Variants in CHL1 observed in about 807,000 individuals in gnomAD.
The protein encoded by CHL1 is neural cell adhesion molecule L1-like protein.
A neutral mutation model predicts 141.9 loss-of-function variants in CHL1; 96 were observed. The observed-to-expected ratio is 0.68, with a 90% confidence interval of 0.57 to 0.80. The LOEUF (loss-of-function observed/expected upper bound fraction) is 0.80, where lower values mean the gene tolerates loss of function less well. CHL1 is among the 30% of genes least tolerant of loss of function. CHL1 has a pLI of 0.00. For synonymous variants in CHL1, 613 were observed against 502.2 expected (o/e 1.22, Z -2.95); for missense variants, 1,820 against 1,457.2 (o/e 1.25, Z -4.05).
Position 405,641 on chromosome 3 carries a change from C to G in CHL1, c.3605C>G (p.Ala1202Gly), listed in dbSNP as rs1709486043. The G allele has an allele frequency of 1.9e-6, 3 of 1,613,530 alleles. No individual in the cohort carries two copies. The highest frequency in any genetic ancestry group is 2.5e-6 in the Non-Finnish European group (3 of 1,179,596). ...GATGGATCATTTATTGGTGCCTACGCTGGATCTAAGGAGAAGGGATCTGTT... is the reference window on the plus strand; with the variant it reads ...GATGGATCATTTATTGGTGCCTACGGTGGATCTAAGGAGAAGGGATCTGTT... ...SEDGSFIGAY[A>G]GSKEKGSVES... The change falls in exon 28 of 28, where the codon GCT becomes GGT. Residue 1202 changes from alanine (A) to glycine (G), a missense_variant. Physicochemically the swap from Ala to Gly is moderately conservative, Grantham distance 60. Coordinates refer to ENST00000256509, the MANE Select transcript of CHL1 (RefSeq NM_006614.4).
At chr3:273,311 G>A (rs116091471) in intron 2 of CHL1, among the ~76,000 whole-genome samples, 113 of 152,310 alleles carry the variant, frequency 7.4e-4, no homozygotes, top group Middle Eastern at 3.4e-3. Context: ...CCCTTGGGAA[G>A]TGGTTAGTTT....
chr3:269,943 T>TGGAGGAAGGTG (rs1010611982), intron 2 of CHL1, among the ~76,000 whole-genome samples: 1 of 152,004 alleles, frequency 6.6e-6, no homozygotes, highest in African/African-American at 2.4e-5. Flanking sequence ...TCCAGGAAGC[T>TGGAGGAAGGTG]GGAGGAAGGT....
intron 2 of CHL1, among the ~76,000 whole-genome samples, chr3:276,343 G>A (rs975279272): frequency 1.3e-5 from 2 of 152,172 alleles, no homozygotes; most frequent in Admixed American, 1.3e-4. Context: ...AACATTAAGA[G>A]TGTTATAACC....
At chr3:239,142 G>A (rs75714787) in intron 1 of CHL1, among the ~76,000 whole-genome samples, 10,627 of 152,040 alleles carry the variant, frequency 0.07, 416 homozygotes, top group Middle Eastern at 0.1. Context: ...TGTCCCTCCC[G>A]GCTTCACTGG....
intron 24 of CHL1, among the ~76,000 whole-genome samples, 153 bp downstream of exon 24, chr3:395,025 A>G (rs1455310448): frequency 6.6e-6 from 1 of 152,238 alleles, no homozygotes; most frequent in Non-Finnish European, 1.5e-5. Context: ...TTCCACTGAC[A>G]TAGAGGCAGA....
intron 2 of CHL1, among the ~76,000 whole-genome samples, chr3:261,622 C>A (rs1333412133): frequency 6.6e-6 from 1 of 152,044 alleles, no homozygotes; most frequent in African/African-American, 2.4e-5. Context: ...AACATTCCAG[C>A]TTTAAAAACT....
chr3:271,210 G>A (rs1356150651), intron 2 of CHL1, among the ~76,000 whole-genome samples: 5 of 152,192 alleles, frequency 3.3e-5, no homozygotes, highest in Non-Finnish European at 7.3e-5. Flanking sequence ...ACTCGGGCAA[G>A]TCATTTTAAC....
intron 1 of CHL1, among the ~76,000 whole-genome samples, chr3:217,257 A>C (rs1418340530): frequency 6.6e-6 from 1 of 152,102 alleles, no homozygotes; most frequent in Non-Finnish European, 1.5e-5. Flanking sequence ...TCTCCAAGCA[A>C]AGGGTATATG....
At chr3:274,575 ACT>A (rs1357124415) in intron 2 of CHL1, among the ~76,000 whole-genome samples, 3 of 152,214 alleles carry the variant, frequency 2.0e-5, no homozygotes, top group Non-Finnish European at 4.4e-5. Context: ...TGGCACAGTT[ACT>A]GTTTGGTTTA....
intron 13 of CHL1, 37 bp from the exon 14 acceptor site, chr3:363,180 C>T: frequency 6.3e-7 from 1 of 1,576,764 alleles, no homozygotes; most frequent in Non-Finnish European, 8.6e-7. Flanking sequence ...ACAATTTTGC[C>T]CTACCTCAGA....
At chr3:294,499 G>A (rs990282864) in intron 2 of CHL1, among the ~76,000 whole-genome samples, 2 of 152,130 alleles carry the variant, frequency 1.3e-5, no homozygotes, top group Admixed American at 1.3e-4. Context: ...TCTTAAAACG[G>A]TAACCACAAA....
At chr3:391,213 T>A in intron 22 of CHL1, 54 bp downstream of exon 22, 1 of 1,372,790 alleles carries the variant, frequency 7.3e-7, no homozygotes, top group Non-Finnish European at 1.0e-6. Flanking sequence ...TCCATGGCCA[T>A]ATTAAACATT....
intron 15 of CHL1, 119 bp downstream of exon 15, chr3:366,234 A>G (rs1417440807): frequency 1.1e-6 from 1 of 919,152 alleles, no homozygotes; most frequent in Non-Finnish European, 1.7e-6. Context: ...ACTTTGGGAG[A>G]CCGAGGCGAG....
chr3:225,396 T>C (rs1013448989), intron 1 of CHL1, among the ~76,000 whole-genome samples: 1 of 152,204 alleles, frequency 6.6e-6, no homozygotes, highest in Non-Finnish European at 1.5e-5. Flanking sequence ...TAGAGTTATA[T>C]AGCATATTTA....
intron 15 of CHL1, among the ~76,000 whole-genome samples, chr3:375,793 C>A (rs1575211988): frequency 1.3e-5 from 2 of 152,090 alleles, no homozygotes; most frequent in Non-Finnish European, 2.9e-5. Context: ...ATGAATTAGG[C>A]TCAATGTTTT....
intron 2 of CHL1, among the ~76,000 whole-genome samples, chr3:267,774 T>A (rs566190153): frequency 6.6e-6 from 1 of 152,210 alleles, no homozygotes; most frequent in Non-Finnish European, 1.5e-5. Flanking sequence ...GCAACAAATA[T>A]TCTCCCTAAG....
intron 2 of CHL1, among the ~76,000 whole-genome samples, chr3:293,916 C>T (rs1317086869): frequency 2.0e-5 from 3 of 151,852 alleles, no homozygotes; most frequent in Non-Finnish European, 4.4e-5. Context: ...CAGTTGCCAC[C>T]ACACCCAGCT....
intron 2 of CHL1, among the ~76,000 whole-genome samples, chr3:308,292 C>T (rs1210765195): frequency 6.6e-6 from 1 of 152,088 alleles, no homozygotes; most frequent in Non-Finnish European, 1.5e-5. Flanking sequence ...TTCCTATATT[C>T]TAGGCAAGCG....
At chr3:219,180 G>T (rs114588731) in intron 1 of CHL1, among the ~76,000 whole-genome samples, 2 of 151,822 alleles carry the variant, frequency 1.3e-5, no homozygotes, top group African/African-American at 4.8e-5. Context: ...AAAGATGCAG[G>T]TGAGGTTGTG....
Sources: allele counts gnomAD v4.1 joint callset (sites outside exome capture counted in the v4.1 genomes callset), GRCh38; gene constraint gnomAD v4.1.1; transcripts MANE v1.5; gene names NCBI Gene and HGNC (gene_info 2026-07-23, HGNC 2026-07-21).